ADAMTS9: variants seen among roughly 807,000 people sequenced by gnomAD.
ADAMTS9 encodes A disintegrin and metalloproteinase with thrombospondin motifs 9.
In ADAMTS9, 107 loss-of-function variants were observed where a neutral mutation model predicts 257.1. The ratio of observed to expected loss-of-function variants is 0.42; its 90% CI spans 0.36 to 0.49. ADAMTS9 has a LOEUF of 0.49. Ranked by LOEUF, ADAMTS9 falls within the 20% of genes least tolerant of loss-of-function variation. ADAMTS9 has a pLI of 0.03. For synonymous variants in ADAMTS9, 982 were observed against 880.9 expected (o/e 1.11, Z -2.03); for missense variants, 2,353 against 2,469.1 (o/e 0.95, Z 1.00).
intron 10 of ADAMTS9, 36 bp downstream of exon 10, chr3:64,649,601 A>G (rs746573458): frequency 6.4e-7 from 1 of 1,569,458 alleles, no homozygotes; most frequent in African/African-American, 1.4e-5. Flanking sequence ...GTGCAGAATC[A>G]GTAGATGAGG....
chr3:64,573,858 A>G (rs1398799830), intron 28 of ADAMTS9, among the ~76,000 whole-genome samples: 1 of 152,210 alleles, frequency 6.6e-6, no homozygotes, highest in Non-Finnish European at 1.5e-5. Context: ...AAGAAAGACC[A>G]TAAACACAAG....
chr3:64,665,441 GC>G (rs1019052885), intron 3 of ADAMTS9, among the ~76,000 whole-genome samples: 8 of 152,216 alleles, frequency 5.3e-5, no homozygotes, highest in African/African-American at 1.4e-4. Context: ...TCATAGAGTG[GC>G]TTTGAGGAAT....
intron 30 of ADAMTS9, among the ~76,000 whole-genome samples, chr3:64,559,150 G>A (rs1273066898): frequency 6.6e-6 from 1 of 152,190 alleles, no homozygotes; most frequent in South Asian, 2.1e-4. Context: ...GCAAACAGGA[G>A]GCGTGGCCAC....
intron 3 of ADAMTS9, among the ~76,000 whole-genome samples, chr3:64,664,314 G>C (rs1457074432): frequency 1.3e-5 from 2 of 152,106 alleles, no homozygotes; most frequent in Non-Finnish European, 2.9e-5. Context: ...AATTTTCAAA[G>C]TATGAAGTTC....
intron 11 of ADAMTS9, 36 bp downstream of exon 11, chr3:64,647,904 C>T (rs1384511699): frequency 1.3e-6 from 2 of 1,581,506 alleles, no homozygotes; most frequent in Non-Finnish European, 8.6e-7. Context: ...CACATTTCTG[C>T]CCTAAGACAG....
chr3:64,619,091 GAATT>G (rs769512201), intron 19 of ADAMTS9, among the ~76,000 whole-genome samples: 7 of 152,112 alleles, frequency 4.6e-5, no homozygotes, highest in Non-Finnish European at 1.0e-4. Context: ...GGTTCTTAAA[GAATT>G]ATTTATTTTT....
At chr3:64,593,943 T>A (rs887137685) in intron 28 of ADAMTS9, among the ~76,000 whole-genome samples, 1 of 113,340 alleles carries the variant, frequency 8.8e-6, no homozygotes, top group Non-Finnish European at 1.6e-5. Flanking sequence ...AAAATCACTA[T>A]GTATGTGTGT....
intron 3 of ADAMTS9, among the ~76,000 whole-genome samples, chr3:64,660,373 G>A (rs1337250855): frequency 6.6e-6 from 1 of 152,182 alleles, no homozygotes; most frequent in Non-Finnish European, 1.5e-5. Flanking sequence ...TGTGCATTTT[G>A]CCTGAGTGTT....
chr3:64,577,499 G>C (rs190325763), intron 28 of ADAMTS9, among the ~76,000 whole-genome samples: 1,872 of 152,284 alleles, frequency 0.012, 34 homozygotes, highest in African/African-American at 0.043. Flanking sequence ...CAGGGAGGGC[G>C]GTGGGTGAGA....
chr3:64,571,189 C>T (rs1307524471), intron 28 of ADAMTS9, among the ~76,000 whole-genome samples: 1 of 152,178 alleles, frequency 6.6e-6, no homozygotes, highest in Non-Finnish European at 1.5e-5. Flanking sequence ...GGAAAAGGTA[C>T]AACTCTCTCA....
chr3:64,607,075 C>A lies in ADAMTS9; in HGVS notation c.3359G>T (p.Ser1120Ile), dbSNP rs564249411. The change falls in exon 23 of 40, where the codon AGT becomes ATT. Residue 1120 changes from serine to isoleucine, a missense_variant. This residue lies in a region of ADAMTS9 where 1,402 missense variants were observed against 1,441.4 expected (regional missense o/e 0.97). Coordinates refer to ENST00000498707, the MANE Select transcript of ADAMTS9 (RefSeq NM_182920.2). ...SWQAGPWGQC[S>I]VTCGQGYQLR... ...CTGGTATCCCTGTCCACAAGTGACACTGCACTGGAAGAAGGAGGACAAAAG... is the reference window on the plus strand; with the variant it reads ...CTGGTATCCCTGTCCACAAGTGACAATGCACTGGAAGAAGGAGGACAAAAG... 1 of 1,613,720 alleles carries A rather than the reference C, an allele frequency of 6.2e-7. No homozygotes were observed. Among genetic ancestry groups the A allele is most frequent in the Non-Finnish European group, 8.5e-7 (1 of 1,179,736 alleles).
intron 28 of ADAMTS9, among the ~76,000 whole-genome samples, chr3:64,582,055 C>T (rs1391004303): frequency 6.6e-6 from 1 of 152,136 alleles, no homozygotes; most frequent in African/African-American, 2.4e-5. Context: ...GGGACCAAGA[C>T]ATATCATCTA....
chr3:64,574,910 C>T (rs537858157), intron 28 of ADAMTS9, among the ~76,000 whole-genome samples: 157 of 152,276 alleles, frequency 1.0e-3, no homozygotes, highest in African/African-American at 3.7e-3. Flanking sequence ...CAGTCTCCCA[C>T]GAAGAGAGTA....
At chr3:64,685,532 G>A (rs748293332) in intron 2 of ADAMTS9, among the ~76,000 whole-genome samples, 1 of 152,198 alleles carries the variant, frequency 6.6e-6, no homozygotes, top group Non-Finnish European at 1.5e-5. Context: ...GAAAGTCAAG[G>A]ACCACCCTTG....
At chr3:64,640,086 G>C (rs1314414050) in intron 12 of ADAMTS9, among the ~76,000 whole-genome samples, 1 of 152,032 alleles carries the variant, frequency 6.6e-6, no homozygotes. Context: ...TCAAAATATA[G>C]GCTATATAGA....
At chr3:64,600,500 C>A (rs763320975) in intron 26 of ADAMTS9, among the ~76,000 whole-genome samples, 4 of 152,232 alleles carry the variant, frequency 2.6e-5, no homozygotes, top group Non-Finnish European at 5.9e-5. Context: ...AATGCATCAT[C>A]CCCAAATGTA....
Position 64,622,566 on chromosome 3 carries a change from C to T in ADAMTS9, c.2410G>A (p.Glu804Lys). ...NYLALSSSKG[E>K]FLLNGNFVVT... ...ACAAAGTTTCCATTTAGCAAGAATT[C>T]ACCTTTACTGCTTGATAAAGCTGTA... Residue 804 changes from glutamate to lysine, a missense_variant, in exon 17 of 40, where the codon GAA (glutamate) becomes AAA (lysine). Transcript: ENST00000498707. The T allele has an allele frequency of 6.2e-7, 1 of 1,614,042 alleles. No homozygotes were observed. Among genetic ancestry groups the T allele is most frequent in the Non-Finnish European group, 8.5e-7 (1 of 1,179,968 alleles).
rs1374056578 is a variant in ADAMTS9, at chr3:64,533,147, C to T, written c.5718+19G>A. The T allele has an allele frequency of 1.3e-6, 2 of 1,588,458 alleles. No individual in the cohort carries two copies. The highest frequency in any genetic ancestry group is 2.2e-5 in the South Asian group (2 of 89,818). On this transcript the variant is annotated intron_variant, in intron 38 of 39. Transcript: ENST00000498707. ...AAAGAAATAAAAATTCATCTCCCAA[C>T]CCATCTGTAGAACCTTACCGGCGAC...
At chr3:64,520,655 A>G (rs998870838) in intron 39 of ADAMTS9, among the ~76,000 whole-genome samples, 7 of 152,164 alleles carry the variant, frequency 4.6e-5, no homozygotes, top group Non-Finnish European at 7.4e-5. Context: ...TACATCTATA[A>G]CCAACTGGAC....
Sources: gnomAD v4.1 joint callset for allele counts (sites outside exome capture counted in the v4.1 genomes callset) on GRCh38, gnomAD v4.1.1 for gene constraint, gnomAD v4.1.1 regional missense constraint, MANE v1.5 for transcripts, NCBI Gene and HGNC (gene_info 2026-07-23, HGNC 2026-07-21) for gene names.